FOXP2: variants seen among roughly 807,000 people sequenced by gnomAD.
FOXP2 encodes the protein forkhead box P2, also known as forkhead box protein P2.
Under a neutral mutation model 115.8 loss-of-function variants are expected in FOXP2, and 12 were observed. The ratio of observed to expected loss-of-function variants is 0.10; its 90% CI spans 0.07 to 0.17. The LOEUF (loss-of-function observed/expected upper bound fraction) is 0.17, where lower values mean the gene tolerates loss of function less well. Among genes scored for constraint, FOXP2 ranks in the 10% least tolerant of loss-of-function variants. FOXP2 has a pLI of 1.00. For missense variants in FOXP2, 629 were observed against 843.5 expected, an observed-to-expected ratio of 0.75 and a Z score of 3.15; for synonymous variants, 328 against 297.7, an observed-to-expected ratio of 1.10 and a Z score of -1.05.
chr7:114,579,748 A>C (rs979865109), intron 3 of FOXP2, among the ~76,000 whole-genome samples: 10 of 152,192 alleles, frequency 6.6e-5, no homozygotes, highest in Non-Finnish European at 1.5e-4. Flanking sequence ...TTATTCTTAC[A>C]TAGCTCCATT....
At chr7:114,560,006 G>A (rs1490322568) in intron 3 of FOXP2, among the ~76,000 whole-genome samples, 1 of 151,906 alleles carries the variant, frequency 6.6e-6, no homozygotes, top group Non-Finnish European at 1.5e-5. Flanking sequence ...AATACCTATG[G>A]TATCTGCATT....
chr7:114,485,551 T>G (rs1338657689), intron 2 of FOXP2, among the ~76,000 whole-genome samples: 3 of 151,984 alleles, frequency 2.0e-5, no homozygotes, highest in African/African-American at 2.4e-5. Context: ...TCTGTACATT[T>G]AGGTATCCTT....
intron 1 of FOXP2, among the ~76,000 whole-genome samples, chr7:114,096,739 C>T (rs761748383): frequency 1.1e-4 from 17 of 152,026 alleles, no homozygotes; most frequent in Non-Finnish European, 1.9e-4. Flanking sequence ...ATTTTTCTGG[C>T]GATGTAAGAG....
intron 2 of FOXP2, among the ~76,000 whole-genome samples, chr7:114,323,542 G>A (rs1440756028): frequency 6.6e-6 from 1 of 152,008 alleles, no homozygotes; most frequent in African/African-American, 2.4e-5. Context: ...ATCATTCTAA[G>A]TCAGAGTTAC....
intron 2 of FOXP2, among the ~76,000 whole-genome samples, chr7:114,429,295 G>A (rs1175474055): frequency 6.6e-6 from 1 of 151,262 alleles, no homozygotes; most frequent in Non-Finnish European, 1.5e-5. Flanking sequence ...CTGAAAGCTA[G>A]GATATCTTTA....
chr7:114,657,917 C>T, intron 10 of FOXP2, 149 bp from the exon 11 acceptor site: 1 of 772,628 alleles, frequency 1.3e-6, no homozygotes, highest in Non-Finnish European at 2.2e-6. Context: ...CAATTTCATC[C>T]TGTAATTAGT....
intron 1 of FOXP2, among the ~76,000 whole-genome samples, chr7:114,240,220 T>TG (rs1370888862): frequency 6.6e-6 from 1 of 152,122 alleles, no homozygotes; most frequent in African/African-American, 2.4e-5. Flanking sequence ...ACCTTTTTGT[T>TG]GGTTGGGGGG....
intron 1 of FOXP2, among the ~76,000 whole-genome samples, chr7:114,250,495 G>A (rs538414280): frequency 4.6e-5 from 7 of 152,252 alleles, no homozygotes; most frequent in East Asian, 1.9e-4. Flanking sequence ...ATTCTAACTC[G>A]TGTGAGATGG....
At chr7:114,183,538 T>C (rs1206796386) in intron 1 of FOXP2, among the ~76,000 whole-genome samples, 1 of 152,154 alleles carries the variant, frequency 6.6e-6, no homozygotes, top group Non-Finnish European at 1.5e-5. Context: ...TTGTGCTGAA[T>C]TAACACTTGT....
intron 2 of FOXP2, among the ~76,000 whole-genome samples, chr7:114,532,164 C>T (rs1249081383): frequency 6.6e-6 from 1 of 151,830 alleles, no homozygotes; most frequent in African/African-American, 2.4e-5. Context: ...TGATCAGATA[C>T]TCAGGATGTT....
Position 114,287,889 on chromosome 7 carries a change from A to G in FOXP2, c.-101-130A>G, listed in dbSNP as rs117382110. 1.8e-3 allele frequency: 526 copies of G among 285,354 alleles called. 2 individuals are homozygous for G. The highest frequency in any genetic ancestry group is 3.7e-3 in the Middle Eastern group (3 of 812). 17.7% of individuals were successfully genotyped at this position (285,354 alleles called of 1,614,324 possible). On this transcript the variant is annotated intron_variant, in intron 1 of 17. Coordinates refer to the FOXP2 transcript ENST00000634411. ...TATTTGAATATTCACAAAGTAATGCATGTTAACATTAACAATTTTTATTTT... is the reference window on the plus strand; with the variant it reads ...TATTTGAATATTCACAAAGTAATGCGTGTTAACATTAACAATTTTTATTTT...
chr7:114,680,072 G>C (rs1461087665), intron 16 of FOXP2, among the ~76,000 whole-genome samples: 1 of 152,072 alleles, frequency 6.6e-6, no homozygotes, highest in African/African-American at 2.4e-5. Context: ...TTGTACCTCT[G>C]TCAGGGAATA....
At chr7:114,138,539 A>T (rs960282550) in intron 1 of FOXP2, among the ~76,000 whole-genome samples, 1 of 151,790 alleles carries the variant, frequency 6.6e-6, no homozygotes, top group African/African-American at 2.4e-5. Context: ...TTACAGGTGC[A>T]TAAGACCACA....
At chr7:114,207,153 C>G (rs1369301548) in intron 1 of FOXP2, among the ~76,000 whole-genome samples, 1 of 152,132 alleles carries the variant, frequency 6.6e-6, no homozygotes. Context: ...ATTCCTTTTT[C>G]TGGCCAAATA....
intron 2 of FOXP2, among the ~76,000 whole-genome samples, chr7:114,293,137 C>G (rs139567630): frequency 2.0e-5 from 3 of 152,188 alleles, no homozygotes; most frequent in Non-Finnish European, 4.4e-5. Flanking sequence ...ATATTTTTTC[C>G]CCCATATTTA....
At chr7:114,278,514 C>T (rs774688429) in intron 1 of FOXP2, among the ~76,000 whole-genome samples, 4 of 152,076 alleles carry the variant, frequency 2.6e-5, no homozygotes, top group African/African-American at 4.8e-5. Context: ...ACCACCATGC[C>T]TGGCTAATTT....
intron 2 of FOXP2, among the ~76,000 whole-genome samples, chr7:114,307,099 A>T (rs946706701): frequency 1.3e-5 from 2 of 152,178 alleles, no homozygotes; most frequent in African/African-American, 4.8e-5. Flanking sequence ...TTGGGAAGCC[A>T]TTATTCTGCC....
chr7:114,181,228 T>C (rs1793446057), intron 1 of FOXP2, among the ~76,000 whole-genome samples: 1 of 151,220 alleles, frequency 6.6e-6, no homozygotes, highest in Non-Finnish European at 1.5e-5. Context: ...TTCTAAAATT[T>C]CAAGCTTGGT....
intron 1 of FOXP2, among the ~76,000 whole-genome samples, chr7:114,217,246 C>CA (rs1794508016): frequency 6.6e-6 from 1 of 152,110 alleles, no homozygotes; most frequent in South Asian, 2.1e-4. Context: ...TGAAGAATAG[C>CA]ATTTATTTCC....
Sources: gnomAD v4.1 joint callset for allele counts (sites outside exome capture counted in the v4.1 genomes callset) on GRCh38, gnomAD v4.1.1 for gene constraint, MANE v1.5 for transcripts, NCBI Gene and HGNC (gene_info 2026-07-23, HGNC 2026-07-21) for gene names.